PGLYRP3: variants seen among roughly 807,000 people sequenced by gnomAD.
The protein encoded by PGLYRP3 is peptidoglycan recognition protein I alpha.
A neutral mutation model predicts 36.0 loss-of-function variants in PGLYRP3; 39 were observed. The observed-to-expected ratio is 1.08, with a 90% CI of 0.84 to 1.41. The LOEUF is 1.41. Among genes scored for constraint, PGLYRP3 ranks in the 40% most tolerant of loss-of-function variants. PGLYRP3 has a pLI of 0.00. For missense variants in PGLYRP3, 407 were observed against 427.9 expected, an observed-to-expected ratio of 0.95 and a Z score of 0.43; for synonymous variants, 204 against 172.8, an observed-to-expected ratio of 1.18 and a Z score of -1.42.
intron 2 of PGLYRP3, among the ~76,000 whole-genome samples, chr1:153,308,563 C>T (rs1159700797): frequency 6.6e-6 from 1 of 152,202 alleles, no homozygotes; most frequent in African/African-American, 2.4e-5. Context: ...GGTCCATAAG[C>T]CTCTGGGACA....
intron 6 of PGLYRP3, among the ~76,000 whole-genome samples, chr1:153,301,704 C>T (rs1040650668): frequency 6.6e-6 from 1 of 152,242 alleles, no homozygotes; most frequent in African/African-American, 2.4e-5. Context: ...CTACCTGAGA[C>T]TTTGTAAGAT....
chr1:153,298,381 T>C (rs2771111), intron 7 of PGLYRP3, among the ~76,000 whole-genome samples: 76,545 of 151,918 alleles, frequency 0.5, 19,940 homozygotes, highest in East Asian at 0.69. Context: ...GGGGGCCAGG[T>C]GCAGTAGCTC....
rs567323855 is a variant in PGLYRP3 at position 153,305,788 on chromosome 1, C to T, written c.258-723G>A. The stretch of plus-strand genomic sequence containing the variant: ...CCGACTTTCCACCCTACACCGATGT[C>T]GACATGAGGAATGGGTGTGGAGCCT... On this transcript the variant is annotated intron_variant, in intron 3 of 7. Transcript: ENST00000683862. 4.6e-5 allele frequency among the ~76,000 whole-genome samples: 7 copies of T among 152,334 alleles called. No homozygotes were observed. The South Asian group carries it at 1.2e-3, about 27-fold the overall frequency.
At chr1:153,311,196 A>G (rs142072024) in intron 1 of PGLYRP3, among the ~76,000 whole-genome samples, 18 of 152,200 alleles carry the variant, frequency 1.2e-4, no homozygotes, top group African/African-American at 3.1e-4. Context: ...AAAGTCATTC[A>G]ATTCAGTCAT....
At chr1:153,307,497 A>G (rs1659775324) in intron 2 of PGLYRP3, among the ~76,000 whole-genome samples, 3 of 152,096 alleles carry the variant, frequency 2.0e-5, no homozygotes, top group Admixed American at 2.0e-4. Context: ...TTGTTCCCAG[A>G]CAATCTCTCC....
chr1:153,305,014 G>A lies in PGLYRP3; in HGVS notation c.309C>T (p.Ile103=). 2 of 1,613,878 alleles carry A rather than the reference G, an allele frequency of 1.2e-6. No individual in the cohort carries two copies. The highest frequency in any genetic ancestry group is 8.5e-7 in the Non-Finnish European group (1 of 1,179,888). ...TGTAGCCCTGGGTGTGCAAGCCTTG[G>A]ATGTTCCAGCCAACACCTTCATACA... is the stretch of plus-strand genomic sequence containing the variant. The part of the protein sequence containing the change: ...GRVYEGVGWN[I]QGLHTQGYNN... The change falls in exon 4 of 8, where the codon ATC becomes ATT. Residue 103 remains isoleucine (I), a synonymous_variant. Transcript: ENST00000683862.
At chr1:153,310,478 A>T in intron 2 of PGLYRP3, 133 bp downstream of exon 2, 1 of 872,210 alleles carries the variant, frequency 1.1e-6, no homozygotes, top group Non-Finnish European at 1.9e-6. Context: ...ACTCTAGAAC[A>T]GGGCTCCAAA....
rs1659462297 is a variant in PGLYRP3 at position 153,297,546 on chromosome 1, G to GGAAC, written c.*409_*410insGTTC. 1.1e-5 allele frequency among the ~76,000 whole-genome samples: 1 copy of GGAAC among 92,222 alleles called. No homozygotes were observed. The highest frequency in any genetic ancestry group is 4.9e-5 in the African/African-American group (1 of 20,256). 60.5% of individuals were successfully genotyped at this position (92,222 alleles called of 152,430 possible). On this transcript the variant is annotated 3_prime_UTR_variant, in exon 8 of 8. Transcript: ENST00000683862. The stretch of plus-strand genomic sequence containing the variant: ...AGGAAGGAAGGAAGGAAGGAAGGAA[G>GGAAC]GAAGGAAAGAAAGAAAAAGAAAGAA...
In PGLYRP3 at chr1:153,303,939, G is replaced by A. The variant is rs772681247; in HGVS notation, c.447C>T (p.His149=). 6 of 1,613,930 alleles carry A rather than the reference G, an allele frequency of 3.7e-6. No individual in the cohort carries two copies. Among genetic ancestry groups the A allele is most frequent in the Admixed American group, 1.7e-5 (1 of 59,992 alleles). The change falls in exon 5 of 8, where the codon CAC becomes CAT. Residue 149 remains histidine, a synonymous_variant. Coordinates refer to ENST00000683862, the MANE Select transcript of PGLYRP3 (RefSeq NM_052891.3). ...GTGGCTGAATATACCTGGGCGACAG[G>A]TGACCCTTCTGGATGGCATAGGAGA... ...GLISYAIQKG[H]LSPRYIQPLL...
At chr1:153,310,796 A>G in intron 1 of PGLYRP3, 90 bp from the exon 2 acceptor site, 1 of 832,162 alleles carries the variant, frequency 1.2e-6, no homozygotes, top group Non-Finnish European at 1.9e-6. Flanking sequence ...TGCCTCCCCT[A>G]CCATCCTGTG....
At chr1:153,300,486 T>C (rs944093050) in intron 6 of PGLYRP3, among the ~76,000 whole-genome samples, 1 of 152,206 alleles carries the variant, frequency 6.6e-6, no homozygotes. Flanking sequence ...GAGTCACTTG[T>C]GTCAAACTCT....
rs142436988 is a variant in PGLYRP3 at position 153,298,104 on chromosome 1, G to A, written c.878C>T (p.Ala293Val). The change falls in exon 8 of 8, where the codon GCG (alanine) becomes GTG (valine). Residue 293 changes from alanine (A) to valine (V), a missense_variant. Ala to Val is a moderately conservative substitution (Grantham distance 64). Transcript: ENST00000683862. ...GGCACACTGGATCAGGTCCTGGGCCGCCTCCAGCGCTGCAGCATTTGGAGG... is the reference window on the plus strand; with the variant it reads ...GGCACACTGGATCAGGTCCTGGGCCACCTCCAGCGCTGCAGCATTTGGAGG... ...EKPPNAAALE[A>V]AQDLIQCAVV... The A allele has an allele frequency of 1.1e-3, 1,744 of 1,613,856 alleles. 26 individuals are homozygous for A. In the African/African-American group the frequency reaches 0.02, roughly 19 times the overall value.
At chr1:153,302,930 T>C (rs1466926993) in intron 5 of PGLYRP3, among the ~76,000 whole-genome samples, 1 of 152,232 alleles carries the variant, frequency 6.6e-6, no homozygotes, top group African/African-American at 2.4e-5. Flanking sequence ...CAAATATATA[T>C]GCAGGTATGT....
chr1:153,304,055 C>T, intron 4 of PGLYRP3, 46 bp from the exon 5 acceptor site: 1 of 1,561,544 alleles, frequency 6.4e-7, no homozygotes, highest in Non-Finnish European at 8.8e-7. Context: ...TAAGAAACTC[C>T]ACCTAGACCA....
At chr1:153,311,553 G>A (rs980749244) in intron 1 of PGLYRP3, among the ~76,000 whole-genome samples, 1 of 152,142 alleles carries the variant, frequency 6.6e-6, no homozygotes, top group African/African-American at 2.4e-5. Flanking sequence ...TGAACTATAG[G>A]ATCACTATAG....
intron 2 of PGLYRP3, 130 bp downstream of exon 2, chr1:153,310,481 G>T (rs1659867241): frequency 3.4e-6 from 3 of 891,856 alleles, no homozygotes; most frequent in Non-Finnish European, 5.5e-6. Flanking sequence ...CTAGAACAGG[G>T]CTCCAAATTG....
At chr1:153,308,292 C>G (rs1318555401) in intron 2 of PGLYRP3, among the ~76,000 whole-genome samples, 3 of 152,122 alleles carry the variant, frequency 2.0e-5, no homozygotes, top group Non-Finnish European at 4.4e-5. Flanking sequence ...CCGCGCCCAG[C>G]CTCCTTCTCT....
chr1:153,305,173 T>C, intron 3 of PGLYRP3, 108 bp from the exon 4 acceptor site: 1 of 799,922 alleles, frequency 1.3e-6, no homozygotes, highest in Non-Finnish European at 2.0e-6. Context: ...AAGTACTATG[T>C]TCCAATAACA....
At chr1:153,311,231 T>G (rs1358705450) in intron 1 of PGLYRP3, among the ~76,000 whole-genome samples, 2 of 152,154 alleles carry the variant, frequency 1.3e-5, no homozygotes, top group African/African-American at 4.8e-5. Context: ...TCCCTGACAG[T>G]TGTTCGACTA....
Sources: gnomAD v4.1 joint callset for allele counts (sites outside exome capture counted in the v4.1 genomes callset) on GRCh38, gnomAD v4.1.1 for gene constraint, MANE v1.5 for transcripts, NCBI Gene and HGNC (gene_info 2026-07-23, HGNC 2026-07-21) for gene names.